Variants in MICAL3 observed in about 807,000 individuals in gnomAD.
MICAL3 encodes [F-actin]-monooxygenase MICAL3.
In MICAL3, 62 loss-of-function variants were observed where a neutral mutation model predicts 207.4. The observed-to-expected ratio is 0.30, with a 90% CI of 0.24 to 0.37. The LOEUF is 0.37. Ranked by LOEUF, MICAL3 falls within the 10% of genes least tolerant of loss-of-function variation. The probability of loss-of-function intolerance (pLI) is 1.00; values close to 1 mark genes in which losing one functional copy is unlikely to be tolerated. For synonymous variants in MICAL3, 1,077 were observed against 1,069.3 expected (o/e 1.01, Z -0.14); for missense variants, 2,368 against 2,635.6 (o/e 0.90, Z 2.22).
intron 1 of MICAL3, among the ~76,000 whole-genome samples, chr22:17,990,246 A>C (rs1693480065): frequency 6.6e-6 from 1 of 152,238 alleles, no homozygotes; most frequent in South Asian, 2.1e-4. Context: ...CAAGATAGGA[A>C]AGAACTCCCC....
chr22:17,899,617 G>A, intron 6 of MICAL3, 69 bp from the exon 7 acceptor site: 2 of 1,008,440 alleles, frequency 2.0e-6, no homozygotes, highest in South Asian at 2.8e-5. Context: ...CAGGCTGAAA[G>A]GTTACACACA....
At chr22:17,869,139 A>C (rs1602097647) in intron 17 of MICAL3, among the ~76,000 whole-genome samples, 1 of 152,154 alleles carries the variant, frequency 6.6e-6, no homozygotes, top group African/African-American at 2.4e-5. Flanking sequence ...ACACTGGAGC[A>C]AAGAGTGCAG....
intron 1 of MICAL3, among the ~76,000 whole-genome samples, chr22:17,982,604 G>C (rs544702611): frequency 6.6e-6 from 1 of 152,060 alleles, no homozygotes; most frequent in Non-Finnish European, 1.5e-5. Flanking sequence ...CAAGGAGGCA[G>C]AAATTGCAGT....
chr22:17,812,753 T>C (rs2062061447), intron 27 of MICAL3: 1 of 159,610 alleles, frequency 6.3e-6, no homozygotes, highest in Non-Finnish European at 1.3e-5. Context: ...GTGAAGATCC[T>C]AGCGGCGGCG....
At chr22:17,809,024 A>G in intron 28 of MICAL3, 87 bp from the exon 29 acceptor site, 1 of 1,207,048 alleles carries the variant, frequency 8.3e-7, no homozygotes, top group South Asian at 1.3e-5. Flanking sequence ...GAGGGGAAAC[A>G]CAGGAGTTGC....
intron 23 of MICAL3, among the ~76,000 whole-genome samples, chr22:17,822,538 C>T (rs879393067): frequency 6.6e-6 from 1 of 152,222 alleles, no homozygotes; most frequent in African/African-American, 2.4e-5. Flanking sequence ...GTAGCCCTGA[C>T]TGCCACCCCA....
intron 1 of MICAL3, among the ~76,000 whole-genome samples, chr22:17,989,649 C>G (rs1431159334): frequency 6.6e-6 from 1 of 152,144 alleles, no homozygotes; most frequent in Non-Finnish European, 1.5e-5. Flanking sequence ...AATTGCATCT[C>G]CTCCGTAGGC....
chr22:18,018,581 G>C (rs1431221090), intron 1 of MICAL3, among the ~76,000 whole-genome samples: 1 of 152,040 alleles, frequency 6.6e-6, no homozygotes, highest in African/African-American at 2.4e-5. Flanking sequence ...AATTAGCAGG[G>C]TATGGTGGTG....
intron 1 of MICAL3, among the ~76,000 whole-genome samples, chr22:17,919,258 C>T (rs1932733565): frequency 6.6e-6 from 1 of 152,138 alleles, no homozygotes; most frequent in Admixed American, 6.5e-5. Context: ...GAGATAGGGC[C>T]TATGTTGCCC....
At chr22:17,997,525 G>A (rs1308293653) in intron 1 of MICAL3, among the ~76,000 whole-genome samples, 1 of 152,134 alleles carries the variant, frequency 6.6e-6, no homozygotes, top group African/African-American at 2.4e-5. Flanking sequence ...CATAAAGCCC[G>A]TCCAACCCCA....
chr22:17,861,770 T>C, intron 19 of MICAL3: 1 of 985,310 alleles, frequency 1.0e-6, no homozygotes, highest in Non-Finnish European at 1.2e-6. Context: ...AGAGGATTTC[T>C]ATATTAAAAG....
intron 1 of MICAL3, among the ~76,000 whole-genome samples, chr22:17,973,519 C>A (rs1935512273): frequency 1.3e-5 from 2 of 152,142 alleles, no homozygotes; most frequent in Non-Finnish European, 2.9e-5. Flanking sequence ...ACAACCGACC[C>A]CTTCCAGCCC....
At chr22:17,883,267 G>T (rs553119232) in intron 16 of MICAL3, among the ~76,000 whole-genome samples, 5 of 152,172 alleles carry the variant, frequency 3.3e-5, no homozygotes, top group African/African-American at 1.2e-4. Flanking sequence ...GCCTTCTGTC[G>T]TGAGTTTGGA....
rs13056749 is a variant in MICAL3 at position 17,920,158 on chromosome 22, G to T, written c.-74-13272C>A. On this transcript the variant is annotated intron_variant, in intron 1 of 31. Transcript: ENST00000441493. Reference sequence around the variant, plus strand: ...ACGGAGGAGGCAAGTGAGAGGGAAAGCTGCACGCGTGAAACGCCAGCCTTG... The same window carrying T: ...ACGGAGGAGGCAAGTGAGAGGGAAATCTGCACGCGTGAAACGCCAGCCTTG... Among the ~76,000 whole-genome samples the T allele has an allele frequency of 2.0e-5, 3 of 152,166 alleles. 1 individual carries two copies. In the South Asian group the frequency reaches 6.2e-4, roughly 32 times the overall value.
intron 16 of MICAL3, among the ~76,000 whole-genome samples, chr22:17,872,469 C>T (rs1453211556): frequency 6.6e-6 from 1 of 152,104 alleles, no homozygotes; most frequent in Non-Finnish European, 1.5e-5. Context: ...CCGAGGGTCC[C>T]CAGCTCAAAT....
chr22:17,931,264 A>G (rs555555715), intron 1 of MICAL3, among the ~76,000 whole-genome samples: 1 of 152,356 alleles, frequency 6.6e-6, no homozygotes, highest in Non-Finnish European at 1.5e-5. Flanking sequence ...AGCTTTGTGC[A>G]CTTTATAAAA....
In MICAL3 at chr22:17,801,364, G is replaced by A. The variant is rs377767032; in HGVS notation, c.5650+7480C>T. Among the ~76,000 whole-genome samples, 410 of 108,950 alleles carry A rather than the reference G, an allele frequency of 3.8e-3. 64 individuals are homozygous for A. The highest frequency in any genetic ancestry group is 4.9e-3 in the Non-Finnish European group (286 of 58,010). 71.5% of individuals were successfully genotyped at this position (108,950 alleles called of 152,430 possible). A position where few individuals can be genotyped will look rare whatever the true frequency, so the allele number is the denominator to read the frequency against. ...GAGACGGGGTTTCACCGTTTTAGCC[G>A]GGATGGTCTCGATCTCCTGACCTCG... On this transcript the variant is annotated intron_variant, in intron 29 of 31. Coordinates refer to ENST00000441493, the MANE Select transcript of MICAL3 (RefSeq NM_015241.3).
chr22:17,995,360 A>T lies in MICAL3; in HGVS notation c.-75+28921T>A, dbSNP rs967007837. Among the ~76,000 whole-genome samples, 19 of 151,826 alleles carry T rather than the reference A, an allele frequency of 1.3e-4. 1 individual carries two copies. Among genetic ancestry groups the T allele is most frequent in the Admixed American group, 6.6e-5 (1 of 15,236 alleles). On this transcript the variant is annotated intron_variant, in intron 1 of 31. Coordinates refer to ENST00000441493, the MANE Select transcript of MICAL3 (RefSeq NM_015241.3). ...CCCGGCTAATTTTTAAAATTTTTGT[A>T]GAGACAGGGTCTCACTATGTTGCGC...
intron 1 of MICAL3, among the ~76,000 whole-genome samples, chr22:17,915,669 C>T (rs1175266400): frequency 6.6e-6 from 1 of 152,160 alleles, no homozygotes; most frequent in Non-Finnish European, 1.5e-5. Flanking sequence ...AGTCAAGGCT[C>T]AGCACCATCT....
Sources: allele counts gnomAD v4.1 joint callset (sites outside exome capture counted in the v4.1 genomes callset), GRCh38; gene constraint gnomAD v4.1.1; transcripts MANE v1.5; gene names NCBI Gene and HGNC (gene_info 2026-07-23, HGNC 2026-07-21).